Variants in TINAG observed in about 807,000 individuals in gnomAD.
TINAG encodes the protein tubulointerstitial nephritis antigen.
A neutral mutation model predicts 72.7 loss-of-function variants in TINAG; 83 were observed. The ratio of observed to expected loss-of-function variants is 1.14; its 90% CI spans 0.96 to 1.37. The LOEUF (loss-of-function observed/expected upper bound fraction) is 1.37. TINAG is among the 40% of genes most tolerant of loss of function. TINAG has a pLI of 0.00. For synonymous variants in TINAG, 234 were observed against 189.9 expected, an observed-to-expected ratio of 1.23 and a Z score of -1.91; for missense variants, 685 against 576.6, an observed-to-expected ratio of 1.19 and a Z score of -1.93.
At chr6:54,349,674 T>C (rs145535129) in intron 6 of TINAG, 42 bp from the exon 7 acceptor site, 1 of 1,445,372 alleles carries the variant, frequency 6.9e-7, no homozygotes, top group Non-Finnish European at 9.3e-7. Flanking sequence ...ATTACGACAT[T>C]CTCCTAAATA....
chr6:54,349,568 T>C, intron 6 of TINAG, 148 bp from the exon 7 acceptor site: 1 of 529,280 alleles, frequency 1.9e-6, no homozygotes, highest in Non-Finnish European at 3.1e-6. Flanking sequence ...ATTGAGCTTC[T>C]GTGTTGGAGT....
At chr6:54,308,969 C>A in intron 1 of TINAG, 64 bp downstream of exon 1, 1 of 1,291,600 alleles carries the variant, frequency 7.7e-7, no homozygotes, top group Non-Finnish European at 1.1e-6. Context: ...GACAAACGTT[C>A]TCTCTTTTTC....
chr6:54,344,232 G>A (rs182384510), intron 5 of TINAG, among the ~76,000 whole-genome samples: 364 of 152,294 alleles, frequency 2.4e-3, no homozygotes, highest in Middle Eastern at 6.8e-3. Flanking sequence ...CATATCCTGG[G>A]ACAGAGAAAT....
At chr6:54,373,549 A>G (rs1207673040) in intron 9 of TINAG, among the ~76,000 whole-genome samples, 1 of 151,970 alleles carries the variant, frequency 6.6e-6, no homozygotes, top group Non-Finnish European at 1.5e-5. Context: ...ATGCTATTTA[A>G]CCTTTTGGGC....
chr6:54,339,175 A>T (rs1784940110), intron 4 of TINAG, among the ~76,000 whole-genome samples: 3 of 152,182 alleles, frequency 2.0e-5, no homozygotes, highest in Admixed American at 2.0e-4. Flanking sequence ...TTTAGTTATG[A>T]TTAGGCTCAG....
chr6:54,310,367 T>A (rs1010478394), intron 1 of TINAG, among the ~76,000 whole-genome samples: 1 of 152,074 alleles, frequency 6.6e-6, no homozygotes, highest in Non-Finnish European at 1.5e-5. Flanking sequence ...ATTACAGGAA[T>A]GAATCACTGC....
At chr6:54,382,912 T>C (rs536243376) in intron 10 of TINAG, among the ~76,000 whole-genome samples, 7 of 152,138 alleles carry the variant, frequency 4.6e-5, no homozygotes, top group Non-Finnish European at 1.0e-4. Context: ...ACCTATCTTC[T>C]CACCATAAAC....
chr6:54,348,905 T>A (rs1007258577), intron 6 of TINAG, among the ~76,000 whole-genome samples: 1 of 152,118 alleles, frequency 6.6e-6, no homozygotes, highest in Non-Finnish European at 1.5e-5. Flanking sequence ...CACATTACAT[T>A]TTCATGAACC....
At chr6:54,367,136 T>A (rs189962307) in intron 9 of TINAG, 2 of 151,848 alleles carry the variant, frequency 1.3e-5, no homozygotes, top group East Asian at 1.9e-4. Context: ...TAAGACGTGT[T>A]CATGTGACAT....
intron 4 of TINAG, among the ~76,000 whole-genome samples, chr6:54,328,928 T>C (rs189862750): frequency 1.3e-5 from 2 of 151,218 alleles, no homozygotes; most frequent in East Asian, 3.9e-4. Context: ...TAAAGAAAAA[T>C]GAATGAAAAG....
intron 9 of TINAG, among the ~76,000 whole-genome samples, chr6:54,367,946 T>C (rs1186199348): frequency 2.0e-5 from 3 of 151,706 alleles, no homozygotes; most frequent in East Asian, 3.9e-4. Flanking sequence ...GTGTCCTTTA[T>C]AGGGGCTAAT....
At chr6:54,375,540 C>T (rs955953153) in intron 9 of TINAG, among the ~76,000 whole-genome samples, 1 of 152,156 alleles carries the variant, frequency 6.6e-6, no homozygotes, top group Non-Finnish European at 1.5e-5. Context: ...TTTCTCATCC[C>T]TTTCTTTCCA....
chr6:54,387,638 C>G (rs1290812793), intron 10 of TINAG, among the ~76,000 whole-genome samples: 1 of 152,096 alleles, frequency 6.6e-6, no homozygotes, highest in African/African-American at 2.4e-5. Flanking sequence ...TGAACATAAA[C>G]TTCATAAACA....
chr6:54,343,716 A>G (rs1785056702), intron 5 of TINAG, among the ~76,000 whole-genome samples: 1 of 151,694 alleles, frequency 6.6e-6, no homozygotes, highest in African/African-American at 2.4e-5. Context: ...CACCCACGTA[A>G]TCCTCATACC....
intron 4 of TINAG, among the ~76,000 whole-genome samples, chr6:54,338,839 G>T (rs1784931826): frequency 6.6e-6 from 1 of 151,348 alleles, no homozygotes; most frequent in East Asian, 1.9e-4. Context: ...TTAACACCAT[G>T]AACATTATTA....
At chr6:54,308,122 T>C (rs778595480), upstream of TINAG, 25 of 1,549,570 alleles carry the variant, frequency 1.6e-5, no homozygotes, top group Non-Finnish European at 2.1e-5. Flanking sequence ...ATTGCATTTT[T>C]GACTTTTGAA....
At chr6:54,363,998 G>A (rs1763326348) in intron 9 of TINAG, among the ~76,000 whole-genome samples, 3 of 151,534 alleles carry the variant, frequency 2.0e-5, no homozygotes, top group Admixed American at 6.6e-5. Context: ...GGTAAGTTTA[G>A]AAAAATTTCT....
intron 9 of TINAG, among the ~76,000 whole-genome samples, chr6:54,367,505 G>C (rs1292170687): frequency 6.6e-6 from 1 of 151,714 alleles, no homozygotes; most frequent in East Asian, 1.9e-4. Flanking sequence ...GAAATGAATG[G>C]CATAAAAGTA....
chr6:54,340,168 C>T (rs537216176), intron 4 of TINAG, among the ~76,000 whole-genome samples: 7 of 152,102 alleles, frequency 4.6e-5, no homozygotes, highest in African/African-American at 1.7e-4. Context: ...AATACTGAAA[C>T]AGGGAGACTG....
Sources: allele counts gnomAD v4.1 joint callset (sites outside exome capture counted in the v4.1 genomes callset), GRCh38; gene constraint gnomAD v4.1.1; transcripts MANE v1.5; gene names NCBI Gene and HGNC (gene_info 2026-07-23, HGNC 2026-07-21).